The following PPP1R12A variants were observed in gnomAD, a reference collection of about 807,000 sequenced individuals.
PPP1R12A encodes the protein protein phosphatase 1 regulatory subunit 12A.
Under a neutral mutation model 139.6 loss-of-function variants are expected in PPP1R12A, and 19 were observed. That is an observed-to-expected ratio of 0.14 (90% CI 0.09 to 0.20). PPP1R12A has a LOEUF of 0.20. Ranked by LOEUF, PPP1R12A falls within the 10% of genes least tolerant of loss-of-function variation. PPP1R12A has a pLI of 1.00. For synonymous variants in PPP1R12A, 427 were observed against 420.6 expected, an observed-to-expected ratio of 1.02 and a Z score of -0.19; for missense variants, 925 against 1,211.5, an observed-to-expected ratio of 0.76 and a Z score of 3.51.
intron 1 of PPP1R12A, among the ~76,000 whole-genome samples, chr12:79,910,665 T>C (rs1024778990): frequency 6.6e-6 from 1 of 152,198 alleles, no homozygotes; most frequent in Non-Finnish European, 1.5e-5. Context: ...AACATGCATG[T>C]ATATATGTAA....
At chr12:79,909,727 TAAAA>T (rs146614526) in intron 1 of PPP1R12A, among the ~76,000 whole-genome samples, 23 of 143,316 alleles carry the variant, frequency 1.6e-4, no homozygotes, top group East Asian at 2.1e-4. Context: ...AACTCCGTCT[TAAAA>T]AAAAAAAAAA....
In PPP1R12A at chr12:79,797,199, T is replaced by A; in HGVS notation, c.2288A>T (p.Asp763Val). The A allele has an allele frequency of 6.3e-7, 1 of 1,581,282 alleles. No individual in the cohort carries two copies. Among genetic ancestry groups the A allele is most frequent in the Non-Finnish European group, 8.6e-7 (1 of 1,164,118 alleles). Residue 763 changes from aspartate (D) to valine (V), a missense_variant, in exon 16 of 25, where the codon GAT becomes GTT. Around this residue, in one of 4 missense-constraint regions of PPP1R12A, gnomAD observed 315 missense variants for 363.4 expected, o/e 0.87. Coordinates refer to ENST00000450142, the MANE Select transcript of PPP1R12A (RefSeq NM_002480.3). ...GTGCTTTTGATATACTGTTACCTCA[T>A]CATACGTTCTGGAGTACTTTTGTTT... ...EYKQKYSRTY[D>V]ETYQRYRPVS...
At chr12:79,877,029 A>C (rs1018813585) in intron 1 of PPP1R12A, among the ~76,000 whole-genome samples, 2 of 152,100 alleles carry the variant, frequency 1.3e-5, no homozygotes, top group African/African-American at 2.4e-5. Flanking sequence ...AAAGGGTAAA[A>C]GCATTGAGAG....
At chr12:79,930,336 G>A (rs1322913146) in intron 1 of PPP1R12A, among the ~76,000 whole-genome samples, 1 of 152,116 alleles carries the variant, frequency 6.6e-6, no homozygotes, top group Non-Finnish European at 1.5e-5. Flanking sequence ...ATGATAAAAT[G>A]TACTATATCC....
At chr12:79,906,023 T>C (rs950009273) in intron 1 of PPP1R12A, among the ~76,000 whole-genome samples, 18 of 152,280 alleles carry the variant, frequency 1.2e-4, no homozygotes, top group African/African-American at 4.3e-4. Flanking sequence ...GATGCTCAGC[T>C]AAGGAAATCA....
In PPP1R12A at chr12:79,934,975, G is replaced by A. The variant is rs111390055; in HGVS notation, c.-44C>T. The A allele has an allele frequency of 5.2e-6, 8 of 1,538,998 alleles. No individual in the cohort carries two copies. The African/African-American group carries it at 6.8e-5, about 13-fold the overall frequency. On this transcript the variant is annotated 5_prime_UTR_variant, in exon 1 of 25. Coordinates refer to ENST00000450142, the MANE Select transcript of PPP1R12A (RefSeq NM_002480.3). ...GTCTTCTTATCGCGAGGGGGGGAAGGGGGAGGCGGAGAGGGAAGAGAGGGG... is the reference window on the plus strand; with the variant it reads ...GTCTTCTTATCGCGAGGGGGGGAAGAGGGAGGCGGAGAGGGAAGAGAGGGG...
At chr12:79,923,563 T>C (rs1474434148) in intron 1 of PPP1R12A, among the ~76,000 whole-genome samples, 3 of 152,214 alleles carry the variant, frequency 2.0e-5, no homozygotes. Flanking sequence ...TACAGAGATA[T>C]TTAAAAGGAT....
intron 1 of PPP1R12A, among the ~76,000 whole-genome samples, chr12:79,894,333 C>G (rs1884934664): frequency 6.6e-6 from 1 of 152,136 alleles, no homozygotes; most frequent in African/African-American, 2.4e-5. Flanking sequence ...GAACTGAAGA[C>G]AGAGTAAAAG....
At chr12:79,917,215 A>C (rs1488638705) in intron 1 of PPP1R12A, among the ~76,000 whole-genome samples, 1 of 152,164 alleles carries the variant, frequency 6.6e-6, no homozygotes, top group Non-Finnish European at 1.5e-5. Context: ...GGCCGGGCAC[A>C]GTGGCTCATG....
At position 79,877,555 on chromosome 12, in the gene PPP1R12A, G is replaced by A. The variant is rs753785889; in HGVS notation, c.238-4617C>T. 3.3e-5 allele frequency among the ~76,000 whole-genome samples: 5 copies of A among 151,884 alleles called. No individual in the cohort carries two copies. The East Asian group carries it at 5.8e-4, about 18-fold the overall frequency. ...TTTTCAGACAGAGTCTTGCTCTGTC[G>A]CCCACACTGGAGTGCAGCAGCACAA... On this transcript the variant is annotated intron_variant, in intron 1 of 24. Coordinates refer to ENST00000450142, the MANE Select transcript of PPP1R12A (RefSeq NM_002480.3).
chr12:79,836,772 A>G (rs1343040128), intron 3 of PPP1R12A, among the ~76,000 whole-genome samples: 1 of 152,158 alleles, frequency 6.6e-6, no homozygotes, highest in Non-Finnish European at 1.5e-5. Context: ...TGCTTTGACT[A>G]ACTAGCCAGT....
In PPP1R12A at chr12:79,864,542, A is replaced by G. The variant is rs551804570; in HGVS notation, c.368+8266T>C. 4.6e-5 allele frequency among the ~76,000 whole-genome samples: 7 copies of G among 150,982 alleles called. No individual in the cohort carries two copies. The East Asian group carries it at 9.7e-4, about 21-fold the overall frequency. The stretch of plus-strand genomic sequence containing the variant: ...GAAAAAAAACCCTTCAAAAAAATCA[A>G]TGGCTTTTTGAAAAGATCAACAAAA... On this transcript the variant is annotated intron_variant, in intron 2 of 24. Transcript: ENST00000450142.
intron 1 of PPP1R12A, among the ~76,000 whole-genome samples, chr12:79,881,627 G>T (rs1883645904): frequency 6.6e-6 from 1 of 152,174 alleles, no homozygotes; most frequent in Non-Finnish European, 1.5e-5. Flanking sequence ...TGATGGAGAA[G>T]CTGCATCTTC....
chr12:79,876,903 C>T (rs1883157738), intron 1 of PPP1R12A, among the ~76,000 whole-genome samples: 1 of 151,868 alleles, frequency 6.6e-6, no homozygotes, highest in African/African-American at 2.4e-5. Context: ...CCCAGCTACT[C>T]GGGAGACTGA....
At chr12:79,805,947 A>G in intron 13 of PPP1R12A, 179 bp from the exon 14 acceptor site, 1 of 923,004 alleles carries the variant, frequency 1.1e-6, no homozygotes, top group Non-Finnish European at 1.6e-6. Flanking sequence ...AGAGAAATTT[A>G]CATTTTAAGC....
rs112065019 is a variant in PPP1R12A at position 79,896,907 on chromosome 12, T to C, written c.238-23969A>G. 9.8e-3 allele frequency among the ~76,000 whole-genome samples: 1,498 copies of C among 152,340 alleles called. 32 individuals carry two copies. The highest frequency in any genetic ancestry group is 0.035 in the African/African-American group (1,435 of 41,578). On this transcript the variant is annotated intron_variant, in intron 1 of 24. Coordinates refer to ENST00000450142, the MANE Select transcript of PPP1R12A (RefSeq NM_002480.3). ...TCTAGTTATCCATTCTCATATAGTT[T>C]AGATTATCCTCACAGCAAAAATTCA... is the stretch of plus-strand genomic sequence containing the variant.
chr12:79,790,298 G>C (rs1211152212), intron 20 of PPP1R12A, among the ~76,000 whole-genome samples, 169 bp downstream of exon 20: 2 of 152,074 alleles, frequency 1.3e-5, no homozygotes, highest in Non-Finnish European at 2.9e-5. Flanking sequence ...TGATCTTGAA[G>C]TAAAGCCTTT....
At chr12:79,866,560 T>C (rs1446932243) in intron 2 of PPP1R12A, among the ~76,000 whole-genome samples, 1 of 152,214 alleles carries the variant, frequency 6.6e-6, no homozygotes, top group Non-Finnish European at 1.5e-5. Context: ...AGAAAATTTT[T>C]GCAATCTATC....
At chr12:79,852,944 T>C (rs993310158) in intron 2 of PPP1R12A, among the ~76,000 whole-genome samples, 1 of 152,192 alleles carries the variant, frequency 6.6e-6, no homozygotes, top group Non-Finnish European at 1.5e-5. Flanking sequence ...CAAATAAACG[T>C]AGAAGTTTTA....
Sources: allele counts gnomAD v4.1 joint callset (sites outside exome capture counted in the v4.1 genomes callset), GRCh38; gene constraint gnomAD v4.1.1; regional missense constraint gnomAD v4.1.1; transcripts MANE v1.5; gene names NCBI Gene and HGNC (gene_info 2026-07-23, HGNC 2026-07-21).